Variants in ANO2 observed in about 807,000 individuals in gnomAD.
The protein encoded by ANO2 is anoctamin 2, also known as anoctamin-2.
In ANO2, 101 loss-of-function variants were observed where a neutral mutation model predicts 124.2. The observed-to-expected ratio is 0.81, with a 90% CI of 0.69 to 0.96. ANO2 has a LOEUF of 0.96. Ranked by LOEUF, ANO2 falls within the 40% of genes least tolerant of loss-of-function variation. The pLI is 0.00. For synonymous variants in ANO2, 486 were observed against 482.5 expected (o/e 1.01, Z -0.09); for missense variants, 1,293 against 1,274.5 (o/e 1.01, Z -0.22).
chr12:5,775,253 G>C (rs181108508), intron 10 of ANO2, among the ~76,000 whole-genome samples: 53 of 152,018 alleles, frequency 3.5e-4, no homozygotes, highest in East Asian at 1.9e-4. Context: ...ACGGATAAGA[G>C]AATAGAAATA....
At chr12:5,677,844 T>C (rs1948317431) in intron 14 of ANO2, among the ~76,000 whole-genome samples, 1 of 152,208 alleles carries the variant, frequency 6.6e-6, no homozygotes. Flanking sequence ...ACTTCCAGCA[T>C]GGGGGCAATT....
intron 14 of ANO2, among the ~76,000 whole-genome samples, chr12:5,712,145 C>T (rs185284244): frequency 6.6e-6 from 1 of 152,172 alleles, no homozygotes; most frequent in Non-Finnish European, 1.5e-5. Context: ...TCAATTAATG[C>T]TTTAAAACAT....
intron 14 of ANO2, among the ~76,000 whole-genome samples, chr12:5,666,447 C>T (rs1947721024): frequency 6.6e-6 from 1 of 152,192 alleles, no homozygotes; most frequent in Non-Finnish European, 1.5e-5. Context: ...TATCCCAGGA[C>T]TGCCCGAGTC....
intron 4 of ANO2, among the ~76,000 whole-genome samples, chr12:5,847,443 C>CTG (rs1491481958): frequency 9.7e-5 from 8 of 82,402 alleles, no homozygotes; most frequent in African/African-American, 2.1e-4. Context: ...CTCATAACAC[C>CTG]TCTGTGTGTG....
intron 7 of ANO2, among the ~76,000 whole-genome samples, chr12:5,820,744 C>T (rs1200350302): frequency 6.6e-6 from 1 of 152,184 alleles, no homozygotes; most frequent in Admixed American, 6.5e-5. Context: ...TTCAACTCTC[C>T]CATTTGGCCT....
At chr12:5,851,317 G>T (rs1954890577) in intron 4 of ANO2, among the ~76,000 whole-genome samples, 1 of 152,190 alleles carries the variant, frequency 6.6e-6, no homozygotes, top group South Asian at 2.1e-4. Context: ...GGAGATACCA[G>T]AGGGACCAAA....
In ANO2 at chr12:5,628,706, G is replaced by A. The variant is rs116550652; in HGVS notation, c.1816+6446C>T. On this transcript the variant is annotated intron_variant, in intron 16 of 24. Transcript: ENST00000682330. ...TGTGTGTGCGCGCGCGCACGCGTGCGTGCACATGTGCATGCATGCATGTGT... is the reference window on the plus strand; with the variant it reads ...TGTGTGTGCGCGCGCGCACGCGTGCATGCACATGTGCATGCATGCATGTGT... 3.4e-4 allele frequency among the ~76,000 whole-genome samples: 52 copies of A among 152,260 alleles called. 1 individual carries two copies. Among genetic ancestry groups the A allele is most frequent in the South Asian group, 1.5e-3 (7 of 4,826 alleles).
Position 5,925,108 on chromosome 12 carries a change from A to ATGCATG in ANO2, c.23-2310_23-2305dup, listed in dbSNP as rs1292442785. Among the ~76,000 whole-genome samples, 15 of 152,228 alleles carry ATGCATG rather than the reference A, an allele frequency of 9.9e-5. No individual in the cohort carries two copies. The East Asian group carries it at 2.5e-3, about 25-fold the overall frequency. On this transcript the variant is annotated intron_variant, in intron 1 of 24. Coordinates refer to ENST00000682330, the MANE Select transcript of ANO2 (RefSeq NM_001364791.2). The surrounding 1 kb of genome is among the most constrained non-coding windows in gnomAD (Gnocchi z 4.6). Reference sequence around the variant, plus strand: ...CCAGAGAAGACCTGGAAACCTCTAGATGCATGTCTAAAAAGCCCAAGACCA... The same window carrying ATGCATG: ...CCAGAGAAGACCTGGAAACCTCTAGATGCATGTGCATGTCTAAAAAGCCCAAGACCA...
At chr12:5,571,081 G>C (rs539331971) in intron 23 of ANO2, among the ~76,000 whole-genome samples, 23 of 152,118 alleles carry the variant, frequency 1.5e-4, no homozygotes, top group Non-Finnish European at 3.1e-4. Flanking sequence ...GGACCTGCAG[G>C]AAAACCTGGC....
chr12:5,672,590 TGTGTGTGTG>T (rs1240638752), intron 14 of ANO2, among the ~76,000 whole-genome samples: 1 of 50,532 alleles, frequency 2.0e-5, no homozygotes, highest in Non-Finnish European at 7.1e-5. Flanking sequence ...CGTGTGTGTG[TGTGTGTGTG>T]CACATGCATG....
chr12:5,626,520 C>G (rs1398230498), intron 16 of ANO2, among the ~76,000 whole-genome samples: 1 of 152,110 alleles, frequency 6.6e-6, no homozygotes, highest in Admixed American at 6.5e-5. Flanking sequence ...CAGCAATGTT[C>G]CATAGGAGTG....
intron 3 of ANO2, among the ~76,000 whole-genome samples, chr12:5,860,704 G>A (rs894115473): frequency 6.6e-6 from 1 of 152,146 alleles, no homozygotes; most frequent in East Asian, 1.9e-4. Flanking sequence ...CACCTGACCA[G>A]GAACCATCTA....
At chr12:5,832,859 C>T (rs567241673) in intron 4 of ANO2, among the ~76,000 whole-genome samples, 1 of 152,276 alleles carries the variant, frequency 6.6e-6, no homozygotes, top group South Asian at 2.1e-4. Context: ...TACAAACTTT[C>T]TATATGACTC....
At chr12:5,743,435 G>A (rs1051040182) in intron 12 of ANO2, among the ~76,000 whole-genome samples, 2 of 151,870 alleles carry the variant, frequency 1.3e-5, no homozygotes, top group Non-Finnish European at 2.9e-5. Flanking sequence ...TTACCATGGG[G>A]TGGTTATCCC....
At chr12:5,797,902 C>G (rs1952914729) in intron 10 of ANO2, among the ~76,000 whole-genome samples, 1 of 152,184 alleles carries the variant, frequency 6.6e-6, no homozygotes, top group Non-Finnish European at 1.5e-5. Context: ...AGCAGGGCTC[C>G]GCTCCAAAGG....
chr12:5,670,243 T>C (rs1156911045), intron 14 of ANO2, among the ~76,000 whole-genome samples: 2 of 152,186 alleles, frequency 1.3e-5, no homozygotes, highest in Admixed American at 1.3e-4. Context: ...TTACAGTAGG[T>C]AATAATTATA....
chr12:5,602,998 T>C (rs4930766), intron 19 of ANO2, among the ~76,000 whole-genome samples: 125,240 of 152,178 alleles, frequency 0.82, 51,950 homozygotes, highest in Admixed American at 0.9. Context: ...AATGAACTTT[T>C]TATGCATGCA....
chr12:5,869,374 T>C (rs966710179), intron 3 of ANO2, among the ~76,000 whole-genome samples: 2 of 152,090 alleles, frequency 1.3e-5, no homozygotes, highest in Non-Finnish European at 2.9e-5. Flanking sequence ...GACTCTGAGC[T>C]CCATGGGGAC....
intron 10 of ANO2, among the ~76,000 whole-genome samples, chr12:5,795,958 T>C (rs1321732039): frequency 2.0e-5 from 3 of 152,152 alleles, no homozygotes; most frequent in African/African-American, 7.2e-5. Context: ...AAGAGTCATT[T>C]CACTCTAGCT....
Sources: allele counts gnomAD v4.1 joint callset (sites outside exome capture counted in the v4.1 genomes callset), GRCh38; gene constraint gnomAD v4.1.1; non-coding constraint Gnocchi (gnomAD v3.1); transcripts MANE v1.5; gene names NCBI Gene and HGNC (gene_info 2026-07-23, HGNC 2026-07-21).